The following RORA variants were observed in gnomAD, a reference collection of about 807,000 sequenced individuals.
RORA encodes the protein nuclear receptor ROR-alpha.
Under a neutral mutation model 69.5 loss-of-function variants are expected in RORA, and 7 were observed. That is an observed-to-expected ratio of 0.10 (90% CI 0.06 to 0.19). RORA has a LOEUF of 0.19. Among genes scored for constraint, RORA ranks in the 10% least tolerant of loss-of-function variants. RORA has a pLI of 1.00. For missense variants in RORA, 457 were observed against 663.0 expected, an observed-to-expected ratio of 0.69 and a Z score of 3.41; for synonymous variants, 261 against 240.8, an observed-to-expected ratio of 1.08 and a Z score of -0.78.
intron 1 of RORA, among the ~76,000 whole-genome samples, chr15:60,767,342 T>C (rs2072006625): frequency 6.6e-6 from 1 of 152,078 alleles, no homozygotes; most frequent in Non-Finnish European, 1.5e-5. Context: ...AACTGGAAAA[T>C]TTGGGGGATA....
At chr15:60,707,334 T>TTTTTTTTATTTA (rs1555447513) in intron 1 of RORA, among the ~76,000 whole-genome samples, 2 of 136,080 alleles carry the variant, frequency 1.5e-5, no homozygotes, top group Non-Finnish European at 3.1e-5. Context: ...TATTTCTTTA[T>TTTTTTTTATTTA]TTTATTTATT....
intron 1 of RORA, among the ~76,000 whole-genome samples, chr15:61,004,158 T>C (rs1894835148): frequency 6.6e-6 from 1 of 152,144 alleles, no homozygotes; most frequent in African/African-American, 2.4e-5. Context: ...ATTTGCTTTC[T>C]TTATTGACAG....
rs577487207 is a variant in RORA at position 60,645,123 on chromosome 15, G to A, written c.196+33534C>T. On this transcript the variant is annotated intron_variant, in intron 2 of 10. Coordinates refer to ENST00000335670, the MANE Select transcript of RORA (RefSeq NM_134261.3). The stretch of plus-strand genomic sequence containing the variant: ...AATTCCAAAATCTCTCTTAGGGAAG[G>A]AACTGTCCCGGTTTACAAAAATTCC... Among the ~76,000 whole-genome samples the A allele has an allele frequency of 3.3e-5, 5 of 152,178 alleles. No homozygotes were observed. The South Asian group carries it at 1.0e-3, about 32-fold the overall frequency.
intron 2 of RORA, among the ~76,000 whole-genome samples, chr15:60,673,499 T>A (rs1159231826): frequency 6.6e-6 from 1 of 152,244 alleles, no homozygotes; most frequent in African/African-American, 2.4e-5. Flanking sequence ...TCTGTAAGAA[T>A]GGGTGGAGAT....
Position 61,197,878 on chromosome 15 carries a change from T to G in RORA, c.166+31175A>C, listed in dbSNP as rs1467214785. The stretch of plus-strand genomic sequence containing the variant: ...CAGGGAAGAGCCCACCACCACACGC[T>G]GAAGGGAAGATCCCTCCCAGGGGGT... On this transcript the variant is annotated intron_variant, in intron 1 of 10. Transcript: ENST00000335670. Among the ~76,000 whole-genome samples the G allele has an allele frequency of 4.6e-5, 6 of 130,474 alleles. 1 individual carries two copies. The East Asian group carries it at 1.3e-3, about 28-fold the overall frequency. The allele number at this position is 130,474 out of a possible 152,430, so 85.6% of individuals were successfully genotyped here.
intron 1 of RORA, among the ~76,000 whole-genome samples, chr15:61,098,300 T>A (rs144780817): frequency 1.5e-5 from 2 of 135,232 alleles, no homozygotes; most frequent in Non-Finnish European, 3.2e-5. Context: ...TCCCTCACTG[T>A]CTCCCTCCCT....
chr15:60,925,976 C>T (rs776653930), intron 1 of RORA, among the ~76,000 whole-genome samples: 5 of 152,188 alleles, frequency 3.3e-5, no homozygotes, highest in Admixed American at 6.5e-5. Context: ...GAGGCCATAT[C>T]TGGCCTGCAT....
At position 60,491,105 on chromosome 15, in the gene RORA, G is replaced by A. The variant is rs767969527; in HGVS notation, c.*6350C>T. 8 of 152,150 alleles carry A rather than the reference G, an allele frequency of 5.3e-5. No homozygotes were observed. The highest frequency in any genetic ancestry group is 1.2e-4 in the Non-Finnish European group (8 of 68,010). 9.4% of individuals were successfully genotyped at this position (152,150 alleles called of 1,614,324 possible). On this transcript the variant is annotated 3_prime_UTR_variant, in exon 11 of 11. Transcript: ENST00000335670. ...AACAGGAGAATTTTGGATTCAGGAA[G>A]ATGTATACAGTACATATGGATTTTT...
chr15:60,558,453 A>G (rs1595972237), intron 2 of RORA: 2 of 555,158 alleles, frequency 3.6e-6, no homozygotes, highest in African/African-American at 1.9e-5. Context: ...CAGAATTCAG[A>G]TCATTAATGT....
intron 1 of RORA, among the ~76,000 whole-genome samples, chr15:61,046,418 A>G (rs912863424): frequency 2.0e-5 from 3 of 152,118 alleles, no homozygotes; most frequent in Non-Finnish European, 2.9e-5. Context: ...GCAGGTTTCT[A>G]TTAGCCAATA....
intron 1 of RORA, among the ~76,000 whole-genome samples, chr15:60,841,398 G>A (rs148729421): frequency 1.3e-5 from 2 of 152,300 alleles, no homozygotes; most frequent in East Asian, 3.9e-4. Flanking sequence ...CCAGCAGCTC[G>A]CCTGGCAGTG....
rs936387444 is a variant in RORA, at chr15:61,061,405, G to A, written c.166+167648C>T. ...AATAAATAAATAAATAAATACAAGG[G>A]CATCGCAGGAAGTCCTGATGTCAAG... On this transcript the variant is annotated intron_variant, in intron 1 of 10. Transcript: ENST00000335670. The surrounding 1 kb of genome is among the most constrained non-coding windows in gnomAD (Gnocchi z 4.4). Among the ~76,000 whole-genome samples the A allele has an allele frequency of 8.2e-6, 1 of 121,754 alleles. No homozygotes were observed. The highest frequency in any genetic ancestry group is 3.0e-5 in the African/African-American group (1 of 33,218). 79.9% of individuals were successfully genotyped at this position (121,754 alleles called of 152,430 possible). A position where few individuals can be genotyped will look rare whatever the true frequency, so the allele number is the denominator to read the frequency against.
intron 1 of RORA, among the ~76,000 whole-genome samples, chr15:61,122,146 A>G (rs1432097339): frequency 2.0e-5 from 3 of 152,210 alleles, no homozygotes; most frequent in Non-Finnish European, 4.4e-5. Context: ...AGTTCTTTAC[A>G]TTGAGAGAAC....
In RORA at chr15:60,627,314, T is replaced by A. The variant is rs759706334; in HGVS notation, c.196+51343A>T. 3.1e-6 allele frequency: 5 copies of A among 1,614,202 alleles called. No individual in the cohort carries two copies. The South Asian group carries it at 4.4e-5, about 14-fold the overall frequency. On this transcript the variant is annotated intron_variant, in intron 2 of 10. Transcript: ENST00000335670. ...CCAGTTCGAAGACAATGACCCATGA[T>A]TGACCACGGCACTCTTGCCTCAGTC...
chr15:60,834,371 G>A (rs1324154425), intron 1 of RORA, among the ~76,000 whole-genome samples: 1 of 152,170 alleles, frequency 6.6e-6, no homozygotes, highest in African/African-American at 2.4e-5. Context: ...CCTGTGAACA[G>A]CGGCACCACC....
At chr15:60,888,888 G>C (rs923298418) in intron 1 of RORA, among the ~76,000 whole-genome samples, 5 of 138,564 alleles carry the variant, frequency 3.6e-5, no homozygotes, top group Admixed American at 7.1e-5. Context: ...TGGGCAGAGG[G>C]AGCCTCACAC....
chr15:61,082,613 T>A (rs566973444), intron 1 of RORA, among the ~76,000 whole-genome samples: 1 of 152,206 alleles, frequency 6.6e-6, no homozygotes, highest in East Asian at 1.9e-4. Flanking sequence ...ATCACTTGAG[T>A]ATGTGTGGAC....
intron 2 of RORA, among the ~76,000 whole-genome samples, chr15:60,657,238 T>TCTC (rs1381122703): frequency 6.6e-6 from 1 of 152,046 alleles, no homozygotes; most frequent in Non-Finnish European, 1.5e-5. Flanking sequence ...GTCTCTTTCT[T>TCTC]CTCCTCCTCC....
chr15:60,569,139 A>G (rs1305041764), intron 2 of RORA, among the ~76,000 whole-genome samples: 1 of 152,076 alleles, frequency 6.6e-6, no homozygotes, highest in South Asian at 2.1e-4. Flanking sequence ...TTAATCAACG[A>G]AAGTGCCTTG....
Sources: gnomAD v4.1 joint callset for allele counts (sites outside exome capture counted in the v4.1 genomes callset) on GRCh38, gnomAD v4.1.1 for gene constraint, Gnocchi (gnomAD v3.1) non-coding constraint, MANE v1.5 for transcripts, NCBI Gene and HGNC (gene_info 2026-07-23, HGNC 2026-07-21) for gene names.